Variants in SPPL2A observed in about 807,000 individuals in gnomAD.
SPPL2A encodes signal peptide peptidase like 2A.
Under a neutral mutation model 63.8 loss-of-function variants are expected in SPPL2A, and 51 were observed. That is an observed-to-expected ratio of 0.80 (90% confidence interval 0.64 to 1.01). The LOEUF is 1.01. Ranked by LOEUF, SPPL2A falls within the 50% of genes least tolerant of loss-of-function variation. SPPL2A has a pLI of 0.00. For synonymous variants in SPPL2A, 188 were observed against 205.8 expected, an observed-to-expected ratio of 0.91 and a Z score of 0.74; for missense variants, 553 against 622.7, an observed-to-expected ratio of 0.89 and a Z score of 1.19.
chr15:50,762,946 T>C (rs557667572), intron 1 of SPPL2A, among the ~76,000 whole-genome samples: 8 of 150,516 alleles, frequency 5.3e-5, no homozygotes, highest in Middle Eastern at 6.9e-3. Flanking sequence ...GGTTTCACCA[T>C]ATTGGCCAGG....
Position 50,765,596 on chromosome 15 carries a change from C to G in SPPL2A, c.-63G>C. On this transcript the variant is annotated 5_prime_UTR_variant, in exon 1 of 15. Transcript: ENST00000261854. ...CGCAGCTCACTCGGCGGGGTAGGCT[C>G]GGAGTCCCGCCGCTGCGCTGCCTCC... 1.7e-6 allele frequency: 2 copies of G among 1,156,442 alleles called. No homozygotes were observed. The highest frequency in any genetic ancestry group is 3.2e-5 in the East Asian group (1 of 31,246). 71.6% of individuals were successfully genotyped at this position (1,156,442 alleles called of 1,614,324 possible). A position where few individuals can be genotyped will look rare whatever the true frequency, so the allele number is the denominator to read the frequency against.
At chr15:50,721,512 C>A (rs2062646407) in intron 13 of SPPL2A, among the ~76,000 whole-genome samples, 1 of 151,866 alleles carries the variant, frequency 6.6e-6, no homozygotes, top group Admixed American at 6.6e-5. Flanking sequence ...CTTACTGCAG[C>A]CTTGACCTCT....
At chr15:50,725,423 C>T in intron 11 of SPPL2A, 100 bp from the exon 12 acceptor site, 1 of 704,030 alleles carries the variant, frequency 1.4e-6, no homozygotes, top group Non-Finnish European at 2.5e-6. Context: ...CTTTTATTTA[C>T]TAATTTATTT....
chr15:50,765,336 A>C, intron 1 of SPPL2A, 132 bp downstream of exon 1: 1 of 556,022 alleles, frequency 1.8e-6, no homozygotes, highest in Non-Finnish European at 3.0e-6. Flanking sequence ...GGGAGGAAAG[A>C]GGAGTGCGAG....
At chr15:50,742,049 T>C (rs1466436766) in intron 5 of SPPL2A, among the ~76,000 whole-genome samples, 2 of 151,988 alleles carry the variant, frequency 1.3e-5, no homozygotes, top group South Asian at 2.1e-4. Context: ...CCATACGCAA[T>C]AGAAACCTAA....
rs980583341 is a variant in SPPL2A at position 50,706,250 on chromosome 15, C to G, written c.*1550G>C. On this transcript the variant is annotated 3_prime_UTR_variant, in exon 15 of 15. Transcript: ENST00000261854. Reference sequence around the variant, plus strand: ...ACTAAAACTACAAAAAATAGCCGGGCGTAGTGGCGGGCGCCTGTAGTCCTA... The same window carrying G: ...ACTAAAACTACAAAAAATAGCCGGGGGTAGTGGCGGGCGCCTGTAGTCCTA... 6.6e-6 allele frequency: 1 copy of G among 151,130 alleles called. No individual in the cohort carries two copies. Among genetic ancestry groups the G allele is most frequent in the African/African-American group, 2.4e-5 (1 of 41,126 alleles). 9.4% of individuals were successfully genotyped at this position (151,130 alleles called of 1,614,324 possible).
In SPPL2A at chr15:50,722,365, ATACT is replaced by A. The variant is rs532722460; in HGVS notation, c.1250-168_1250-165del. On this transcript the variant is annotated intron_variant, in intron 12 of 14. Coordinates refer to ENST00000261854, the MANE Select transcript of SPPL2A (RefSeq NM_032802.4). ...AAAATTTTATATGCTGATTTTAAAA[ATACT>A]TAATACCATAGTTTAAACATTTCCT... Among the ~76,000 whole-genome samples the A allele has an allele frequency of 5.4e-3, 818 of 152,394 alleles. 14 individuals carry two copies. Among genetic ancestry groups the A allele is most frequent in the Non-Finnish European group, 4.6e-3 (315 of 68,040 alleles).
intron 6 of SPPL2A, 37 bp downstream of exon 6, chr15:50,739,643 A>T (rs2062802026): frequency 7.0e-7 from 1 of 1,423,610 alleles, no homozygotes; most frequent in Non-Finnish European, 9.5e-7. Flanking sequence ...AAAAGAATGT[A>T]TGTTAACAGT....
intron 14 of SPPL2A, among the ~76,000 whole-genome samples, chr15:50,712,677 C>CG (rs1397510271): frequency 8.2e-4 from 110 of 133,816 alleles, no homozygotes; most frequent in African/African-American, 2.9e-3. Flanking sequence ...CCCTCCCCCC[C>CG]CCTTTTTTTT....
At chr15:50,750,864 T>C (rs2062900299) in intron 1 of SPPL2A, among the ~76,000 whole-genome samples, 1 of 152,238 alleles carries the variant, frequency 6.6e-6, no homozygotes, top group Non-Finnish European at 1.5e-5. Flanking sequence ...AAAGAAAGAA[T>C]GCTTGGCAAA....
intron 1 of SPPL2A, among the ~76,000 whole-genome samples, chr15:50,759,005 GGT>G (rs1287493776): frequency 6.6e-6 from 1 of 151,850 alleles, no homozygotes; most frequent in Non-Finnish European, 1.5e-5. Flanking sequence ...TCAACTCCTG[GGT>G]GACTCACCTC....
intron 1 of SPPL2A, 168 bp from the exon 2 acceptor site, chr15:50,749,914 T>C (rs2062893556): frequency 1.7e-6 from 1 of 604,770 alleles, no homozygotes; most frequent in Non-Finnish European, 2.9e-6. Flanking sequence ...TGGTTAGGAA[T>C]ATTAAAACTA....
chr15:50,722,140 AT>A lies in SPPL2A; in HGVS notation c.1310del (p.Tyr437LeufsTer12). On this transcript the variant is annotated frameshift_variant, in exon 13 of 15. Coordinates refer to ENST00000261854, the MANE Select transcript of SPPL2A (RefSeq NM_032802.4). LOFTEE classifies it high-confidence loss of function. ...AAAATTTACCAACTGTAGACGAAAC[AT>A]AGTATATGTAAGAAGAACCAGTCTG... ...DVQTGSSYIY[Y>X]VSSTVAYAIG... 6.3e-7 allele frequency: 1 copy of A among 1,583,232 alleles called. No individual in the cohort carries two copies. The highest frequency in any genetic ancestry group is 8.7e-7 in the Non-Finnish European group (1 of 1,155,094).
intron 1 of SPPL2A, among the ~76,000 whole-genome samples, chr15:50,762,262 G>A (rs1027727447): frequency 9.9e-5 from 15 of 151,794 alleles, no homozygotes; most frequent in Admixed American, 2.0e-4. Context: ...CAGGTACTTG[G>A]GAGGCTGAGG....
chr15:50,746,506 C>T (rs551541437), intron 5 of SPPL2A, among the ~76,000 whole-genome samples: 24 of 149,534 alleles, frequency 1.6e-4, no homozygotes, highest in African/African-American at 4.7e-4. Context: ...GACTAGCTTG[C>T]GGCTAATTAT....
intron 14 of SPPL2A, among the ~76,000 whole-genome samples, chr15:50,711,750 T>C (rs981270902): frequency 6.6e-6 from 1 of 152,146 alleles, no homozygotes; most frequent in African/African-American, 2.4e-5. Context: ...AATCTTGCAC[T>C]CAACTCTATT....
At chr15:50,732,504 G>A (rs1011063861) in intron 9 of SPPL2A, 99 bp downstream of exon 9, 5 of 669,886 alleles carry the variant, frequency 7.5e-6, no homozygotes, top group Non-Finnish European at 1.3e-5. Flanking sequence ...TAAACAGTAC[G>A]CCAAAAATTG....
At chr15:50,708,439 G>A (rs1213810110) in intron 14 of SPPL2A, among the ~76,000 whole-genome samples, 1 of 152,148 alleles carries the variant, frequency 6.6e-6, no homozygotes, top group East Asian at 1.9e-4. Context: ...CGGGCGCAGT[G>A]GCTCACACCT....
chr15:50,712,682 T>TCC (rs1418811529), intron 14 of SPPL2A, among the ~76,000 whole-genome samples: 1,861 of 120,088 alleles, frequency 0.015, 40 homozygotes, highest in Middle Eastern at 0.052. Flanking sequence ...CCCCCCCCTT[T>TCC]TTTTTTTTTT....
Sources: gnomAD v4.1 joint callset for allele counts (sites outside exome capture counted in the v4.1 genomes callset) on GRCh38, gnomAD v4.1.1 for gene constraint, MANE v1.5 for transcripts, NCBI Gene and HGNC (gene_info 2026-07-23, HGNC 2026-07-21) for gene names.